Variants in AFF3 observed in about 807,000 individuals in gnomAD.
The protein encoded by AFF3 is ALF transcription elongation factor 3.
In AFF3, 32 loss-of-function variants were observed where a neutral mutation model predicts 129.7. That is an observed-to-expected ratio of 0.25 (90% confidence interval 0.19 to 0.33). The LOEUF is 0.33. Among genes scored for constraint, AFF3 ranks in the 10% least tolerant of loss-of-function variants. The pLI, the probability that AFF3 is intolerant of heterozygous loss-of-function variation, is 1.00. For missense variants in AFF3, 1,373 were observed against 1,592.0 expected (o/e 0.86, Z 2.34); for synonymous variants, 644 against 635.4 (o/e 1.01, Z -0.20).
At chr2:99,857,225 T>C (rs971615722) in intron 7 of AFF3, among the ~76,000 whole-genome samples, 2 of 152,222 alleles carry the variant, frequency 1.3e-5, no homozygotes, top group Admixed American at 6.5e-5. Flanking sequence ...AGAGCTCATT[T>C]GCAAACTGTT....
intron 13 of AFF3, among the ~76,000 whole-genome samples, chr2:99,625,671 G>A (rs1304049193): frequency 6.6e-6 from 1 of 152,172 alleles, no homozygotes; most frequent in African/African-American, 2.4e-5. Context: ...GAAAGTTTGA[G>A]GGCCTGGGAA....
chr2:100,108,217 G>A (rs2105518803), intron 2 of AFF3, among the ~76,000 whole-genome samples: 1 of 152,270 alleles, frequency 6.6e-6, no homozygotes, highest in East Asian at 1.9e-4. Context: ...CTTTCTCCTT[G>A]CAAATTACAT....
chr2:99,563,268 G>A (rs1205152027), intron 20 of AFF3, among the ~76,000 whole-genome samples: 1 of 151,476 alleles, frequency 6.6e-6, no homozygotes, highest in African/African-American at 2.4e-5. Context: ...TTGGCTCACT[G>A]CGAGCTCCGC....
At chr2:100,119,024 C>A (rs890343346) in intron 2 of AFF3, among the ~76,000 whole-genome samples, 3 of 152,106 alleles carry the variant, frequency 2.0e-5, no homozygotes, top group Non-Finnish European at 2.9e-5. Flanking sequence ...TGGTCATGAA[C>A]CCCCTGACCT....
chr2:99,796,920 C>T (rs1405490712), intron 8 of AFF3, among the ~76,000 whole-genome samples: 1 of 152,120 alleles, frequency 6.6e-6, no homozygotes, highest in African/African-American at 2.4e-5. Context: ...TAGCCATAGA[C>T]TAAATGATGC....
chr2:99,805,519 T>C (rs1205011000), intron 8 of AFF3, among the ~76,000 whole-genome samples: 1 of 152,104 alleles, frequency 6.6e-6, no homozygotes, highest in Non-Finnish European at 1.5e-5. Flanking sequence ...CTTAAAAAAA[T>C]CTAATAATAA....
chr2:99,725,090 C>T (rs1000997383), intron 11 of AFF3, among the ~76,000 whole-genome samples: 1 of 151,962 alleles, frequency 6.6e-6, no homozygotes, highest in Non-Finnish European at 1.5e-5. Context: ...CCTGACTCAG[C>T]CACCTGAGTA....
At chr2:100,111,564 A>T (rs1471955674) in intron 2 of AFF3, among the ~76,000 whole-genome samples, 1 of 152,226 alleles carries the variant, frequency 6.6e-6, no homozygotes, top group Non-Finnish European at 1.5e-5. Context: ...ATACCAACAG[A>T]TGGCATTTAC....
At chr2:99,978,426 A>G (rs531597658) in intron 7 of AFF3, among the ~76,000 whole-genome samples, 1 of 152,314 alleles carries the variant, frequency 6.6e-6, no homozygotes, top group African/African-American at 2.4e-5. Context: ...AAAAAACCCA[A>G]TGCATCAATA....
intron 4 of AFF3, among the ~76,000 whole-genome samples, chr2:100,044,428 C>T (rs551491761): frequency 1.1e-4 from 16 of 152,248 alleles, no homozygotes; most frequent in Non-Finnish European, 1.9e-4. Context: ...CGTTTCACAA[C>T]CCCCTTCCAT....
At chr2:100,139,478 C>T (rs187853900) in intron 1 of AFF3, among the ~76,000 whole-genome samples, 8 of 152,202 alleles carry the variant, frequency 5.3e-5, no homozygotes, top group East Asian at 1.9e-4. Context: ...ATCAAATTGT[C>T]GTGTTTATTA....
intron 4 of AFF3, among the ~76,000 whole-genome samples, chr2:100,041,141 C>A (rs1685391867): frequency 1.3e-5 from 2 of 152,208 alleles, no homozygotes. Context: ...CACTCTCCAG[C>A]TCTACTAAAG....
intron 4 of AFF3, among the ~76,000 whole-genome samples, chr2:100,047,964 C>T (rs909512257): frequency 6.6e-6 from 1 of 152,168 alleles, no homozygotes; most frequent in Non-Finnish European, 1.5e-5. Flanking sequence ...TGCCGTTGTA[C>T]CTGCATATCT....
At chr2:99,690,830 C>A (rs1256146716) in intron 11 of AFF3, among the ~76,000 whole-genome samples, 1 of 149,768 alleles carries the variant, frequency 6.7e-6, no homozygotes, top group African/African-American at 2.5e-5. Flanking sequence ...AGAGTTTATA[C>A]TCAGGCATAG....
chr2:99,871,959 G>A (rs1247974866), intron 7 of AFF3, among the ~76,000 whole-genome samples: 1 of 152,076 alleles, frequency 6.6e-6, no homozygotes, highest in Non-Finnish European at 1.5e-5. Flanking sequence ...TGTAATCCCA[G>A]CACTTTGGGA....
chr2:99,691,739 G>A (rs1675687337), intron 11 of AFF3, among the ~76,000 whole-genome samples: 2 of 152,196 alleles, frequency 1.3e-5, no homozygotes, highest in Admixed American at 1.3e-4. Flanking sequence ...TGTCTCTTGA[G>A]TCAACTGCTC....
chr2:99,849,958 T>A (rs548509918), intron 7 of AFF3, among the ~76,000 whole-genome samples: 44 of 152,344 alleles, frequency 2.9e-4, no homozygotes, highest in African/African-American at 1.1e-3. Context: ...GATTCATAAG[T>A]GAATAAGACA....
intron 7 of AFF3, among the ~76,000 whole-genome samples, chr2:99,942,866 T>G (rs1675188357): frequency 6.6e-6 from 1 of 152,116 alleles, no homozygotes; most frequent in Admixed American, 6.5e-5. Flanking sequence ...GTGACACCTT[T>G]ATCTGTGCCT....
intron 8 of AFF3, among the ~76,000 whole-genome samples, chr2:99,832,280 T>C (rs1046736345): frequency 6.6e-6 from 1 of 152,248 alleles, no homozygotes; most frequent in African/African-American, 2.4e-5. Flanking sequence ...TGCATCAAAA[T>C]GAAACAGGTA....
Sources: allele counts gnomAD v4.1 joint callset (sites outside exome capture counted in the v4.1 genomes callset), GRCh38; gene constraint gnomAD v4.1.1; transcripts MANE v1.5; gene names NCBI Gene and HGNC (gene_info 2026-07-23, HGNC 2026-07-21).